The following BTBD9 variants were observed in gnomAD, a reference collection of about 807,000 sequenced individuals.
BTBD9 encodes BTB/POZ domain-containing protein 9.
BTBD9 carries 49 observed loss-of-function variants against 64.3 expected under a neutral mutation model. That is an observed-to-expected ratio of 0.76 (90% CI 0.61 to 0.97). BTBD9 has a LOEUF of 0.97. BTBD9 is among the 50% of genes least tolerant of loss of function. BTBD9 has a pLI of 0.00. For missense variants in BTBD9, 598 were observed against 762.1 expected (o/e 0.78, Z 2.53); for synonymous variants, 260 against 274.7 (o/e 0.95, Z 0.53).
intron 6 of BTBD9, among the ~76,000 whole-genome samples, chr6:38,366,916 A>G (rs914866468): frequency 6.6e-6 from 1 of 152,258 alleles, no homozygotes; most frequent in African/African-American, 2.4e-5. Context: ...TAAGGTAAGC[A>G]CACAAAGTGT....
intron 6 of BTBD9, among the ~76,000 whole-genome samples, chr6:38,527,966 AG>A (rs1273957662): frequency 1.3e-5 from 2 of 152,112 alleles, no homozygotes; most frequent in African/African-American, 4.8e-5. Flanking sequence ...ATGAAGAGTC[AG>A]GTAAGTGATC....
chr6:38,577,743 G>GA (rs772557062), intron 5 of BTBD9, 24 bp from the exon 6 acceptor site: 12 of 1,587,416 alleles, frequency 7.6e-6, no homozygotes, highest in Admixed American at 5.4e-5. Flanking sequence ...GGAAAAAGCA[G>GA]AAAAAAATTA....
At chr6:38,277,405 C>G (rs1299462430) in intron 8 of BTBD9, among the ~76,000 whole-genome samples, 1 of 151,852 alleles carries the variant, frequency 6.6e-6, no homozygotes, top group Non-Finnish European at 1.5e-5. Context: ...GTGATCTCGG[C>G]TCACTGCAAC....
chr6:38,599,600 C>A (rs1375039765), intron 1 of BTBD9, among the ~76,000 whole-genome samples: 1 of 152,188 alleles, frequency 6.6e-6, no homozygotes, highest in East Asian at 1.9e-4. Context: ...GAAATTGAGA[C>A]AGATATGTTA....
intron 6 of BTBD9, among the ~76,000 whole-genome samples, chr6:38,413,872 GAAT>G (rs897500383): frequency 6.6e-6 from 1 of 151,980 alleles, no homozygotes; most frequent in Non-Finnish European, 1.5e-5. Context: ...CATAAAATGA[GAAT>G]AATAATAATA....
At chr6:38,474,189 G>A (rs1770777480) in intron 6 of BTBD9, among the ~76,000 whole-genome samples, 1 of 152,074 alleles carries the variant, frequency 6.6e-6, no homozygotes, top group South Asian at 2.1e-4. Context: ...AAGAAAAGAT[G>A]GAAACAGGAA....
In BTBD9 at chr6:38,173,804, C is replaced by G. The variant is rs924083464; in HGVS notation, c.*1181G>C. On this transcript the variant is annotated 3_prime_UTR_variant, in exon 11 of 11. Transcript: ENST00000481247. Reference sequence around the variant, plus strand: ...CGGAGCTCTGGGGACAGCGGAGGGGCAGGCAATGTTGTGCGCAGTTACCCA... The same window carrying G: ...CGGAGCTCTGGGGACAGCGGAGGGGGAGGCAATGTTGTGCGCAGTTACCCA... 6.6e-6 allele frequency: 1 copy of G among 152,384 alleles called. No homozygotes were observed. The highest frequency in any genetic ancestry group is 1.5e-5 in the Non-Finnish European group (1 of 68,190). The allele number at this position is 152,384 out of a possible 1,614,324, so 9.4% of individuals were successfully genotyped here.
chr6:38,174,783 AT>A lies in BTBD9; in HGVS notation c.*201del, dbSNP rs1766924421. 3 of 617,398 alleles carry A rather than the reference AT, an allele frequency of 4.9e-6. No individual in the cohort carries two copies. The African/African-American group carries it at 5.5e-5, about 11-fold the overall frequency. 38.2% of individuals were successfully genotyped at this position (617,398 alleles called of 1,614,324 possible). On this transcript the variant is annotated 3_prime_UTR_variant, in exon 11 of 11. Transcript: ENST00000481247. ...TTTTCTCCCCCTTGAGACCTGCCTG[AT>A]TTGGATAAATTGAGAAGAACAAAGC...
At chr6:38,480,353 A>G (rs878996460) in intron 6 of BTBD9, among the ~76,000 whole-genome samples, 9 of 152,188 alleles carry the variant, frequency 5.9e-5, no homozygotes, top group Admixed American at 2.0e-4. Flanking sequence ...GGTGCTCAAT[A>G]AACAGTAGCT....
intron 1 of BTBD9, among the ~76,000 whole-genome samples, chr6:38,630,867 C>T (rs1778338431): frequency 6.6e-6 from 1 of 152,102 alleles, no homozygotes; most frequent in South Asian, 2.1e-4. Context: ...GTAAAGTACC[C>T]AAAGGACTGG....
intron 10 of BTBD9, 85 bp downstream of exon 10, chr6:38,192,434 C>G: frequency 7.7e-7 from 1 of 1,297,154 alleles, no homozygotes; most frequent in Non-Finnish European, 1.1e-6. Context: ...GCAGGCAGAA[C>G]AAACAATTCC....
chr6:38,273,273 G>A (rs529123869), intron 8 of BTBD9, among the ~76,000 whole-genome samples: 3 of 152,248 alleles, frequency 2.0e-5, no homozygotes, highest in Admixed American at 6.5e-5. Context: ...TTTTATCCAT[G>A]TGGGGTGCAT....
chr6:38,534,475 CAAAAAAAA>C (rs57383061), intron 6 of BTBD9, among the ~76,000 whole-genome samples: 2 of 94,946 alleles, frequency 2.1e-5, no homozygotes, highest in Admixed American at 2.2e-4. Context: ...TCAAACTGTT[CAAAAAAAA>C]AAAAAAAATA....
intron 6 of BTBD9, among the ~76,000 whole-genome samples, chr6:38,358,373 TC>T (rs1764814279): frequency 6.6e-6 from 1 of 152,114 alleles, no homozygotes; most frequent in Non-Finnish European, 1.5e-5. Flanking sequence ...CAGCTGTGGA[TC>T]CCCTGTAGGC....
intron 2 of BTBD9, among the ~76,000 whole-genome samples, chr6:38,596,495 T>C (rs1777034272): frequency 1.3e-5 from 2 of 152,188 alleles, no homozygotes; most frequent in South Asian, 4.1e-4. Context: ...TGAGAAGTTC[T>C]GACTTAATAA....
At chr6:38,370,185 C>T (rs1473454467) in intron 6 of BTBD9, among the ~76,000 whole-genome samples, 1 of 152,154 alleles carries the variant, frequency 6.6e-6, no homozygotes, top group African/African-American at 2.4e-5. Flanking sequence ...AAGTGATATC[C>T]AGTATGGAAT....
intron 6 of BTBD9, among the ~76,000 whole-genome samples, chr6:38,374,998 T>A (rs1765628037): frequency 6.6e-6 from 1 of 152,218 alleles, no homozygotes; most frequent in African/African-American, 2.4e-5. Flanking sequence ...TTGTCTTTCA[T>A]ATGTTTCTGT....
chr6:38,560,186 A>G (rs1775206981), intron 6 of BTBD9, among the ~76,000 whole-genome samples: 1 of 152,226 alleles, frequency 6.6e-6, no homozygotes, highest in Non-Finnish European at 1.5e-5. Flanking sequence ...AAGGTCTAAT[A>G]TCTAGAATTT....
chr6:38,466,283 C>CTTTTT (rs67769669), intron 6 of BTBD9, among the ~76,000 whole-genome samples: 4 of 44,066 alleles, frequency 9.1e-5, no homozygotes, highest in Non-Finnish European at 1.6e-4. Flanking sequence ...CTTCCTTTTC[C>CTTTTT]TTTTTTTTTT....
Sources: gnomAD v4.1 joint callset for allele counts (sites outside exome capture counted in the v4.1 genomes callset) on GRCh38, gnomAD v4.1.1 for gene constraint, MANE v1.5 for transcripts, NCBI Gene and HGNC (gene_info 2026-07-23, HGNC 2026-07-21) for gene names.